NOTCH1: variants seen among roughly 807,000 people sequenced by gnomAD.
NOTCH1 encodes notch receptor 1.
Under a neutral mutation model 254.8 loss-of-function variants are expected in NOTCH1, and 37 were observed. That is an observed-to-expected ratio of 0.15 (90% CI 0.11 to 0.19). The LOEUF (loss-of-function observed/expected upper bound fraction) is 0.19, where lower values mean the gene tolerates loss of function less well. Ranked by LOEUF, NOTCH1 falls within the 10% of genes least tolerant of loss-of-function variation. The probability of loss-of-function intolerance (pLI) is 1.00; values close to 1 mark genes in which losing one functional copy is unlikely to be tolerated. For synonymous variants in NOTCH1, 1,731 were observed against 1,618.1 expected (o/e 1.07, Z -1.68); for missense variants, 2,972 against 3,708.6 (o/e 0.80, Z 5.16).
intron 2 of NOTCH1, chr9:136,543,124 C>T (rs1843756329): frequency 6.3e-6 from 1 of 157,878 alleles, no homozygotes; most frequent in South Asian, 1.6e-4. Context: ...ACCTTCTCTT[C>T]CCCAGCCCCA....
intron 15 of NOTCH1, among the ~76,000 whole-genome samples, chr9:136,512,086 C>T (rs906795083): frequency 3.9e-5 from 6 of 152,222 alleles, no homozygotes; most frequent in African/African-American, 1.2e-4. Context: ...GACAATTGTG[C>T]GAAAGGAAGC....
rs111756273 is a variant in NOTCH1 at position 136,511,234 on chromosome 9, G to T, written c.2505C>A (p.Pro835=). 8.9e-5 allele frequency: 143 copies of T among 1,612,478 alleles called. No homozygotes were observed. In the African/African-American group the frequency reaches 1.6e-3, roughly 18 times the overall value. Residue 835 remains proline, a synonymous_variant, in exon 16 of 34, where the codon CCC becomes CCA. Transcript: ENST00000651671. ...ACTCCCCGCCGTTTCTGCAGGGGCT[G>T]GGGGCACACGGGGCCAGCACCACCT... ...TCEVVLAPCA[P]SPCRNGGECR... is the part of the protein sequence containing the mutation.
At chr9:136,527,868 C>A (rs976438881) in intron 2 of NOTCH1, among the ~76,000 whole-genome samples, 1 of 152,230 alleles carries the variant, frequency 6.6e-6, no homozygotes, top group East Asian at 1.9e-4. Flanking sequence ...GGCCCCGGCG[C>A]CTGCTGTGCC....
In NOTCH1 at chr9:136,518,613, G is replaced by A. The variant is rs202235419; in HGVS notation, c.1077C>T (p.Cys359=). The change falls in exon 6 of 34, where the codon TGC becomes TGT. Residue 359 remains cysteine, a synonymous_variant. Coordinates refer to ENST00000651671, the MANE Select transcript of NOTCH1 (RefSeq NM_017617.5). ...TCHDRVASFY[C]ECPHGRTGLL... is the part of the protein sequence containing the mutation. The stretch of plus-strand genomic sequence containing the variant: ...CACCTGTGCGGCCATGGGGACACTC[G>A]CAGTAGAAGGAGGCCACACGGTCAT... 41 of 1,612,710 alleles carry A rather than the reference G, an allele frequency of 2.5e-5. No homozygotes were observed. In the East Asian group the frequency reaches 6.2e-4, roughly 25 times the overall value.
At chr9:136,519,355 G>A in intron 5 of NOTCH1, 88 bp downstream of exon 5, 1 of 1,566,264 alleles carries the variant, frequency 6.4e-7, no homozygotes, top group East Asian at 2.2e-5. Flanking sequence ...GGTCTCGGCT[G>A]CTCCCCGCTA....
chr9:136,511,230 G>T lies in NOTCH1; in HGVS notation c.2509C>A (p.Pro837Thr), dbSNP rs1843176956. ...EVVLAPCAPS[P>T]CRNGGECRQS... Reference sequence around the variant, plus strand: ...CTGCACTCCCCGCCGTTTCTGCAGGGGCTGGGGGCACACGGGGCCAGCACC... The same window carrying T: ...CTGCACTCCCCGCCGTTTCTGCAGGTGCTGGGGGCACACGGGGCCAGCACC... The change falls in exon 16 of 34, where the codon CCC becomes ACC. Residue 837 changes from proline to threonine, a missense_variant. By Grantham distance (38) the Pro-to-Thr change is conservative (BLOSUM62 -1). This residue lies in a region of NOTCH1 where 1,343 missense variants were observed against 1,557.0 expected (regional missense o/e 0.86). Coordinates refer to ENST00000651671, the MANE Select transcript of NOTCH1 (RefSeq NM_017617.5). 6.2e-7 allele frequency: 1 copy of T among 1,612,728 alleles called. No individual in the cohort carries two copies. The highest frequency in any genetic ancestry group is 1.1e-5 in the South Asian group (1 of 91,084).
intron 2 of NOTCH1, among the ~76,000 whole-genome samples, chr9:136,526,217 G>C (rs1843457199): frequency 6.6e-6 from 1 of 152,256 alleles, no homozygotes; most frequent in Non-Finnish European, 1.5e-5. Flanking sequence ...CGGCCGCTGG[G>C]AACCCGTGGA....
Position 136,494,646 on chromosome 9 carries a change from C to CG in NOTCH1, c.*1424dup. On this transcript the variant is annotated 3_prime_UTR_variant, in exon 34 of 34. Coordinates refer to ENST00000651671, the MANE Select transcript of NOTCH1 (RefSeq NM_017617.5). ...TGGCACCACGCGGCCCCCGTAGAGC[C>CG]GGGGGAGGCTGCCCTGAGGAGTGCA... 1 of 398,810 alleles carries CG rather than the reference C, an allele frequency of 2.5e-6. No individual in the cohort carries two copies. Among genetic ancestry groups the CG allele is most frequent in the Non-Finnish European group, 4.4e-6 (1 of 226,044 alleles). 24.7% of individuals were successfully genotyped at this position (398,810 alleles called of 1,614,324 possible). A position where few individuals can be genotyped will look rare whatever the true frequency, so the allele number is the denominator to read the frequency against.
chr9:136,517,429 T>C, intron 8 of NOTCH1, 44 bp from the exon 9 acceptor site: 1 of 1,286,272 alleles, frequency 7.8e-7, no homozygotes, highest in Non-Finnish European at 1.1e-6. Flanking sequence ...GCGGCCCCAG[T>C]GCCCCACTGG....
At chr9:136,532,963 G>GC (rs1216860651) in intron 2 of NOTCH1, among the ~76,000 whole-genome samples, 1 of 152,164 alleles carries the variant, frequency 6.6e-6, no homozygotes, top group East Asian at 1.9e-4. Flanking sequence ...TGCCCACCTG[G>GC]CCCCAGGGCT....
At chr9:136,499,852 T>C (rs1049914631) in intron 31 of NOTCH1, among the ~76,000 whole-genome samples, 2 of 152,160 alleles carry the variant, frequency 1.3e-5, no homozygotes, top group African/African-American at 4.8e-5. Context: ...CGCACGGGGC[T>C]CCCTTCCACG....
intron 4 of NOTCH1, among the ~76,000 whole-genome samples, chr9:136,520,773 G>A (rs1009769437): frequency 1.3e-5 from 2 of 151,764 alleles, no homozygotes; most frequent in Non-Finnish European, 2.9e-5. Flanking sequence ...CCTGAGTCCC[G>A]GTCCCACTCA....
chr9:136,530,093 G>C (rs914218169), intron 2 of NOTCH1, among the ~76,000 whole-genome samples: 1 of 152,204 alleles, frequency 6.6e-6, no homozygotes, highest in South Asian at 2.1e-4. Flanking sequence ...CCAAACAGCC[G>C]CCGCTCCGGA....
chr9:136,503,351 G>A (rs1843030622), intron 26 of NOTCH1, 21 bp from the exon 27 acceptor site: 2 of 1,612,360 alleles, frequency 1.2e-6, no homozygotes, highest in Non-Finnish European at 1.7e-6. Context: ...AATCAGAGAG[G>A]GGCTGGGACC....
intron 2 of NOTCH1, among the ~76,000 whole-genome samples, chr9:136,539,048 C>T (rs1473945173): frequency 1.3e-5 from 2 of 152,334 alleles, no homozygotes; most frequent in East Asian, 3.9e-4. Context: ...AAGCCAGTCC[C>T]GGCTCCTGTG....
rs754941989 is a variant in NOTCH1 at position 136,514,642 on chromosome 9, G to T, written c.2075C>A (p.Thr692Asn). ...GAAGCCATTGATGCCGTCCTCGCAG[G>T]TGCCCCCGTTGTGGCAGGGGTTGCC... ...CAGNPCHNGG[T>N]CEDGINGFTC... Residue 692 changes from threonine (T) to asparagine (N), a missense_variant, in exon 13 of 34, where the codon ACC (threonine) becomes AAC (asparagine). This residue lies in a region of NOTCH1 where 1,343 missense variants were observed against 1,557.0 expected (regional missense o/e 0.86). Coordinates refer to ENST00000651671, the MANE Select transcript of NOTCH1 (RefSeq NM_017617.5). The T allele has an allele frequency of 1.9e-6, 3 of 1,612,508 alleles. No homozygotes were observed. In the South Asian group the frequency reaches 3.3e-5, roughly 18 times the overall value.
At chr9:136,511,341 G>T in intron 15 of NOTCH1, 70 bp from the exon 16 acceptor site, 1 of 1,530,914 alleles carries the variant, frequency 6.5e-7, no homozygotes, top group Non-Finnish European at 8.8e-7. Flanking sequence ...GCCACCGCCT[G>T]CTGGTCTTTC....
At chr9:136,508,786 C>G in intron 19 of NOTCH1, 84 bp downstream of exon 19, 4 of 1,315,754 alleles carry the variant, frequency 3.0e-6, no homozygotes, top group Non-Finnish European at 4.0e-6. Context: ...CACAGTGGGA[C>G]CTGGGGTGAC....
At position 136,505,575 on chromosome 9, in the gene NOTCH1, G is replaced by A. The variant is rs754838691; in HGVS notation, c.4321C>T (p.Pro1441Ser). 1.2e-6 allele frequency: 2 copies of A among 1,610,462 alleles called. No individual in the cohort carries two copies. Among genetic ancestry groups the A allele is most frequent in the South Asian group, 2.2e-5 (2 of 90,992 alleles). Reference protein sequence around the residue: ...SFGGGAGRDIPPPLIEEACEL... With the variant: ...SFGGGAGRDISPPLIEEACEL... ...CACGCCTCCTCGATCAGCGGCGGGG[G>A]GATGTCGCGCCCGGCCCCACCCCCG... Residue 1441 changes from proline (P) to serine (S), a missense_variant, in exon 25 of 34, where the codon CCC becomes TCC. Around this residue, in one of 8 missense-constraint regions of NOTCH1, gnomAD observed 1,343 missense variants for 1,557.0 expected, o/e 0.86. Transcript: ENST00000651671.
Sources: gnomAD v4.1 joint callset for allele counts (sites outside exome capture counted in the v4.1 genomes callset) on GRCh38, gnomAD v4.1.1 for gene constraint, gnomAD v4.1.1 regional missense constraint, MANE v1.5 for transcripts, NCBI Gene and HGNC (gene_info 2026-07-23, HGNC 2026-07-21) for gene names.